The following OPHN1 variants were observed in gnomAD, a reference collection of about 807,000 sequenced individuals.
OPHN1 encodes oligophrenin-1.
OPHN1 carries 11 observed loss-of-function variants against 60.7 expected under a neutral mutation model. The observed-to-expected ratio is 0.18, with a 90% CI of 0.11 to 0.30. The LOEUF (loss-of-function observed/expected upper bound fraction) is 0.30, where lower values mean the gene tolerates loss of function less well. OPHN1 is among the 10% of genes least tolerant of loss of function. OPHN1 has a pLI of 1.00. For synonymous variants in OPHN1, 226 were observed against 222.6 expected (o/e 1.02, Z -0.14); for missense variants, 449 against 611.0 (o/e 0.73, Z 2.80).
At chrX:68,284,859 G>A (rs886933852) in intron 3 of OPHN1, among the ~76,000 whole-genome samples, 7 of 111,908 alleles carry the variant, frequency 6.3e-5, no homozygotes, top group South Asian at 7.5e-4. Flanking sequence ...GTGAATGTAC[G>A]TACATATGAA....
At chrX:68,324,528 C>A (rs2078250127) in intron 2 of OPHN1, among the ~76,000 whole-genome samples, 1 of 106,184 alleles carries the variant, frequency 9.4e-6, no homozygotes, top group Non-Finnish European at 1.9e-5. Context: ...AGGAGGATCA[C>A]TTGAGCCTGG....
At chrX:68,323,202 A>T (rs761704160) in intron 2 of OPHN1, among the ~76,000 whole-genome samples, 1 of 112,308 alleles carries the variant, frequency 8.9e-6, no homozygotes, top group African/African-American at 3.2e-5. Flanking sequence ...ATTACAGTAT[A>T]ATTATGTAAG....
At chrX:68,169,801 C>A (rs5965508) in intron 15 of OPHN1, among the ~76,000 whole-genome samples, 25,452 of 94,652 alleles carry the variant, frequency 0.27, 4,297 homozygotes, top group African/African-American at 0.43. Flanking sequence ...TAAAGACTTA[C>A]ATGTTAGACC....
intron 15 of OPHN1, among the ~76,000 whole-genome samples, chrX:68,130,273 G>A (rs952590931): frequency 9.0e-6 from 1 of 111,494 alleles, no homozygotes; most frequent in African/African-American, 3.3e-5. Context: ...ATGTAAAAGA[G>A]GAAGGTGCTA....
chrX:68,080,344 C>T (rs965351319), intron 19 of OPHN1, among the ~76,000 whole-genome samples: 1 of 111,947 alleles, frequency 8.9e-6, no homozygotes, highest in African/African-American at 3.2e-5. Context: ...TGTCTCATTC[C>T]TGTATGTATC....
chrX:68,119,884 G>A (rs893344181), intron 15 of OPHN1, among the ~76,000 whole-genome samples: 9 of 111,498 alleles, frequency 8.1e-5, no homozygotes, highest in Admixed American at 1.9e-4. Context: ...CTTCCAGCAG[G>A]GGGGAAAGAT....
intron 10 of OPHN1, 30 bp from the exon 11 acceptor site, chrX:68,201,740 T>C: frequency 8.8e-7 from 1 of 1,141,079 alleles, no homozygotes; most frequent in Non-Finnish European, 1.2e-6. Flanking sequence ...AACAGGCAAT[T>C]TTTAAAAAAA....
chrX:68,359,855 CAAAAAAAAAAAAAAAAA>C (rs1186524030), intron 2 of OPHN1, among the ~76,000 whole-genome samples: 1 of 19,225 alleles, frequency 5.2e-5, no homozygotes, highest in African/African-American at 1.3e-4. Context: ...GACTCCGTCT[CAAAAAAAAAAAAAAAAA>C]AAAAAAAAAA....
intron 19 of OPHN1, among the ~76,000 whole-genome samples, chrX:68,075,503 A>C (rs2076950120): frequency 9.0e-6 from 1 of 111,531 alleles, no homozygotes; most frequent in Non-Finnish European, 1.9e-5. Context: ...AAAATGTATA[A>C]GGACATGCAA....
chrX:68,302,826 A>C (rs997632154), intron 2 of OPHN1, among the ~76,000 whole-genome samples: 1 of 110,679 alleles, frequency 9.0e-6, no homozygotes, highest in Non-Finnish European at 1.9e-5. Flanking sequence ...TGAGAGGCTG[A>C]GGCGAGAGGA....
At chrX:68,367,254 C>T (rs1420318812) in intron 2 of OPHN1, among the ~76,000 whole-genome samples, 1 of 106,677 alleles carries the variant, frequency 9.4e-6, no homozygotes, top group African/African-American at 3.4e-5. Flanking sequence ...CTCAGGAGGC[C>T]GAGGCAGGAG....
intron 2 of OPHN1, among the ~76,000 whole-genome samples, chrX:68,356,386 C>T (rs2078440565): frequency 1.8e-5 from 2 of 109,196 alleles, no homozygotes; most frequent in Non-Finnish European, 3.8e-5. Flanking sequence ...CTTGCCAAGC[C>T]TCCACAATCA....
At chrX:68,277,106 G>C (rs1287283248) in intron 4 of OPHN1, among the ~76,000 whole-genome samples, 1 of 111,883 alleles carries the variant, frequency 8.9e-6, no homozygotes, top group Non-Finnish European at 1.9e-5. Flanking sequence ...AACCTTTTTG[G>C]CACCAGGGAG....
intron 6 of OPHN1, among the ~76,000 whole-genome samples, chrX:68,214,806 G>C (rs2077600714): frequency 9.0e-6 from 1 of 110,956 alleles, no homozygotes; most frequent in African/African-American, 3.3e-5. Flanking sequence ...AGACCAGCTT[G>C]GCCAACATGG....
intron 15 of OPHN1, among the ~76,000 whole-genome samples, chrX:68,144,633 A>T (rs757478597): frequency 7.1e-5 from 8 of 112,047 alleles, no homozygotes; most frequent in Admixed American, 1.9e-4. Flanking sequence ...TAAATCATAA[A>T]CTCAGAATTC....
intron 4 of OPHN1, 117 bp from the exon 5 acceptor site, chrX:68,274,926 C>T (rs2077985699): frequency 1.9e-6 from 1 of 516,600 alleles, no homozygotes; most frequent in South Asian, 2.7e-5. Context: ...AAATGGTTTG[C>T]TGATTTGTTG....
chrX:68,100,961 T>C (rs1398963249), intron 18 of OPHN1, among the ~76,000 whole-genome samples: 1 of 110,691 alleles, frequency 9.0e-6, no homozygotes, highest in Non-Finnish European at 1.9e-5. Flanking sequence ...TTAGCCAGGA[T>C]GGTCTCAATC....
chrX:68,097,813 C>T (rs745894625), intron 18 of OPHN1, among the ~76,000 whole-genome samples: 9 of 111,232 alleles, frequency 8.1e-5, no homozygotes, highest in African/African-American at 2.3e-4. Context: ...TTACCAGCTG[C>T]GCAACAGTGA....
intron 19 of OPHN1, among the ~76,000 whole-genome samples, chrX:68,088,285 G>A (rs532521614): frequency 9.9e-5 from 11 of 111,330 alleles, no homozygotes; most frequent in East Asian, 2.9e-4. Context: ...TCTGTAATCC[G>A]TGTTCTAATT....
Sources: allele counts gnomAD v4.1 joint callset (sites outside exome capture counted in the v4.1 genomes callset), GRCh38; gene constraint gnomAD v4.1.1; transcripts MANE v1.5; gene names NCBI Gene and HGNC (gene_info 2026-07-23, HGNC 2026-07-21).